The following PODN variants were observed in gnomAD, a reference collection of about 807,000 sequenced individuals.
PODN encodes the protein podocan.
Under a neutral mutation model 52.7 loss-of-function variants are expected in PODN, and 40 were observed. That is an observed-to-expected ratio of 0.76 (90% CI 0.59 to 0.99). The LOEUF is 0.99. Ranked by LOEUF, PODN falls within the 50% of genes least tolerant of loss-of-function variation. PODN has a pLI of 0.00. For synonymous variants in PODN, 396 were observed against 377.9 expected (o/e 1.05, Z -0.56); for missense variants, 720 against 815.1 (o/e 0.88, Z 1.42).
chr1:53,083,693 C>A (rs1461554643), intron 10 of PODN, among the ~76,000 whole-genome samples: 1 of 152,160 alleles, frequency 6.6e-6, no homozygotes, highest in Non-Finnish European at 1.5e-5. Flanking sequence ...GGGCAAGGAA[C>A]AAGGGAGTGT....
intron 1 of PODN, among the ~76,000 whole-genome samples, chr1:53,068,902 T>C (rs1644070904): frequency 6.6e-6 from 1 of 152,110 alleles, no homozygotes. Flanking sequence ...CAGGGAGTGG[T>C]CTCTGGCAGG....
chr1:53,065,973 C>G (rs1188094493), intron 1 of PODN, among the ~76,000 whole-genome samples: 2 of 149,844 alleles, frequency 1.3e-5, no homozygotes, highest in Non-Finnish European at 2.9e-5. Context: ...GCCACATATG[C>G]AATGCAAAAT....
At chr1:53,062,364 G>A in intron 1 of PODN, 56 bp downstream of exon 1, 1 of 1,187,370 alleles carries the variant, frequency 8.4e-7, no homozygotes, top group Non-Finnish European at 1.1e-6. Flanking sequence ...AGCCCGGGCA[G>A]CGCACTCAGA....
At position 53,074,722 on chromosome 1, in the gene PODN, G is replaced by C. The variant is rs781704812; in HGVS notation, c.471+52G>C. ...GTTGCTGCCCTGTCCTCTAGGCATT[G>C]TCTTCCCTGAGTTCCATGAACTTTC... On this transcript the variant is annotated intron_variant, in intron 4 of 10. Coordinates refer to ENST00000312553, the MANE Select transcript of PODN (RefSeq NM_153703.5). 7.6e-6 allele frequency: 12 copies of C among 1,574,690 alleles called. No homozygotes were observed. In the Admixed American group the frequency reaches 2.0e-4, roughly 27 times the overall value.
intron 8 of PODN, among the ~76,000 whole-genome samples, chr1:53,079,618 T>G (rs1337837085): frequency 6.6e-6 from 1 of 152,146 alleles, no homozygotes; most frequent in East Asian, 1.9e-4. Flanking sequence ...GTGGCTGCTG[T>G]GACCACATGG....
At chr1:53,067,411 A>G (rs1263314086) in intron 1 of PODN, among the ~76,000 whole-genome samples, 1 of 152,040 alleles carries the variant, frequency 6.6e-6, no homozygotes, top group Non-Finnish European at 1.5e-5. Flanking sequence ...CAGATGGAGG[A>G]CAGGGATCTT....
chr1:53,065,043 C>A (rs563666584), intron 1 of PODN, among the ~76,000 whole-genome samples: 4 of 152,284 alleles, frequency 2.6e-5, no homozygotes, highest in Admixed American at 1.3e-4. Flanking sequence ...ACAGAAGGGG[C>A]CTTGGGGGGC....
At chr1:53,082,757 A>G (rs1644313884) in intron 10 of PODN, among the ~76,000 whole-genome samples, 1 of 152,176 alleles carries the variant, frequency 6.6e-6, no homozygotes. Flanking sequence ...ACATCCACAA[A>G]CCATGCACAG....
At chr1:53,081,954 G>C in intron 9 of PODN, 27 bp from the exon 10 acceptor site, 1 of 1,570,500 alleles carries the variant, frequency 6.4e-7, no homozygotes, top group Middle Eastern at 1.7e-4. Flanking sequence ...TGGGCTCCTG[G>C]CATTGACTGC....
chr1:53,074,614 G>A lies in PODN; in HGVS notation c.415G>A (p.Glu139Lys). Residue 139 changes from glutamate to lysine, a missense_variant, in exon 4 of 11, where the codon GAG becomes AAG. Glu to Lys is a moderately conservative substitution (Grantham distance 56, BLOSUM62 1). Coordinates refer to ENST00000312553, the MANE Select transcript of PODN (RefSeq NM_153703.5). ...NNRLTSRGLP[E>K]KAFEHLTNLN... ...ATGCCTGTCCTTTGAAGGGCTCCCA[G>A]AGAAGGCGTTTGAGCATCTGACCAA... 6.2e-7 allele frequency: 1 copy of A among 1,614,108 alleles called. No individual in the cohort carries two copies. Among genetic ancestry groups the A allele is most frequent in the South Asian group, 1.1e-5 (1 of 91,088 alleles).
chr1:53,081,423 T>C (rs1033770009), intron 9 of PODN, among the ~76,000 whole-genome samples: 1 of 152,098 alleles, frequency 6.6e-6, no homozygotes, highest in African/African-American at 2.4e-5. Context: ...TCCCAGGAGC[T>C]CGGTTGCCCA....
At position 53,080,886 on chromosome 1, in the gene PODN, C is replaced by T; in HGVS notation, c.1661+10C>T. ...AGGGGATCTTTCTCAGGTAGGAGCC[C>T]ACTCGCGGCCCTGTACACACCCCCG... On this transcript the variant is annotated intron_variant, in intron 9 of 10. Transcript: ENST00000312553. 1.2e-6 allele frequency: 2 copies of T among 1,613,524 alleles called. No homozygotes were observed. Among genetic ancestry groups the T allele is most frequent in the Non-Finnish European group, 1.7e-6 (2 of 1,179,920 alleles).
At chr1:53,071,757 C>T (rs550050903) in intron 3 of PODN, 129 bp downstream of exon 3, 11 of 899,810 alleles carry the variant, frequency 1.2e-5, no homozygotes, top group African/African-American at 1.0e-4. Context: ...AGAGCAGGCC[C>T]GGGCCAGGCT....
Position 53,071,744 on chromosome 1 carries a change from A to G in PODN, c.406+116A>G, listed in dbSNP as rs564204752. ...CCTGCGGATCTTGGGGTGTGGATGG[A>G]AGAGAGCAGGCCCGGGCCAGGCTAG... On this transcript the variant is annotated intron_variant, in intron 3 of 10. Coordinates refer to ENST00000312553, the MANE Select transcript of PODN (RefSeq NM_153703.5). 8 of 1,037,070 alleles carry G rather than the reference A, an allele frequency of 7.7e-6. No homozygotes were observed. In the Admixed American group the frequency reaches 9.8e-5, roughly 13 times the overall value. 64.2% of individuals were successfully genotyped at this position (1,037,070 alleles called of 1,614,324 possible).
intron 4 of PODN, 117 bp downstream of exon 4, chr1:53,074,787 T>G: frequency 3.7e-6 from 2 of 542,694 alleles, no homozygotes; most frequent in Admixed American, 2.3e-5. Flanking sequence ...TCCTTGTTGC[T>G]GCTCAGACAT....
chr1:53,078,084 A>AT (rs1031876561), intron 7 of PODN, among the ~76,000 whole-genome samples: 1 of 152,192 alleles, frequency 6.6e-6, no homozygotes, highest in African/African-American at 2.4e-5. Flanking sequence ...AGGCAAATGC[A>AT]TTTTCATTTT....
In PODN at chr1:53,080,718, A is replaced by AC; in HGVS notation, c.1513-6dup. ...GTGGGAGTCCCTGACTCCCTTGGTC[A>AC]CCCCTGCAGCTGCTGGACATCGCCG... On this transcript the variant is annotated splice_polypyrimidine_tract_variant and intron_variant, in intron 8 of 10. Transcript: ENST00000312553. The AC allele has an allele frequency of 6.2e-7, 1 of 1,612,494 alleles. No individual in the cohort carries two copies. The highest frequency in any genetic ancestry group is 1.7e-5 in the Admixed American group (1 of 59,836).
At chr1:53,083,697 G>T (rs1247184648) in intron 10 of PODN, among the ~76,000 whole-genome samples, 3 of 152,240 alleles carry the variant, frequency 2.0e-5, no homozygotes, top group African/African-American at 7.2e-5. Flanking sequence ...AAGGAACAAG[G>T]GAGTGTGTTG....
intron 8 of PODN, 99 bp downstream of exon 8, chr1:53,079,121 T>C (rs1572275834): frequency 7.2e-7 from 1 of 1,379,700 alleles, no homozygotes. Flanking sequence ...AAGGGCTGGG[T>C]GGTGAGGGAG....
Sources: gnomAD v4.1 joint callset for allele counts (sites outside exome capture counted in the v4.1 genomes callset) on GRCh38, gnomAD v4.1.1 for gene constraint, MANE v1.5 for transcripts, NCBI Gene and HGNC (gene_info 2026-07-23, HGNC 2026-07-21) for gene names.